EXOC6: variants seen among roughly 807,000 people sequenced by gnomAD.
EXOC6 encodes exocyst complex component 6, also known as SEC15-like 1.
EXOC6 carries 60 observed loss-of-function variants against 112.5 expected under a neutral mutation model. That is an observed-to-expected ratio of 0.53 (90% CI 0.43 to 0.66). The LOEUF is 0.66. Among genes scored for constraint, EXOC6 ranks in the 30% least tolerant of loss-of-function variants. EXOC6 has a pLI of 0.00. For synonymous variants in EXOC6, 295 were observed against 308.0 expected (o/e 0.96, Z 0.44); for missense variants, 855 against 957.1 (o/e 0.89, Z 1.41).
At chr10:92,949,355 C>T (rs1374337262) in intron 14 of EXOC6, among the ~76,000 whole-genome samples, 4 of 152,088 alleles carry the variant, frequency 2.6e-5, no homozygotes, top group Non-Finnish European at 4.4e-5. Flanking sequence ...TAGCTAATGC[C>T]GCCATTGCAT....
intron 6 of EXOC6, 38 bp from the exon 7 acceptor site, chr10:92,915,720 G>C (rs901187308): frequency 5.5e-6 from 8 of 1,446,166 alleles, no homozygotes; most frequent in Non-Finnish European, 7.3e-6. Context: ...ACCATAATCA[G>C]TTTTGAAATA....
At chr10:92,834,492 T>G (rs544856703), upstream of EXOC6, among the ~76,000 whole-genome samples, 2 of 152,162 alleles carry the variant, frequency 1.3e-5, no homozygotes, top group Non-Finnish European at 2.9e-5. Context: ...CCGAACTGTG[T>G]CAAGGTTAAT....
intron 17 of EXOC6, among the ~76,000 whole-genome samples, chr10:92,960,409 T>C (rs1054506370): frequency 1.1e-4 from 16 of 152,142 alleles, no homozygotes; most frequent in African/African-American, 3.9e-4. Flanking sequence ...AGTGAGACTA[T>C]TGCTCTAAAA....
intron 1 of EXOC6, among the ~76,000 whole-genome samples, chr10:92,856,544 C>T (rs1046930060): frequency 3.9e-5 from 6 of 152,062 alleles, no homozygotes; most frequent in Non-Finnish European, 8.8e-5. Context: ...CCATTGCAGT[C>T]AGAGATAATA....
intron 19 of EXOC6, among the ~76,000 whole-genome samples, chr10:93,008,177 A>AAAAAG (rs938024729): frequency 5.9e-5 from 9 of 152,244 alleles, no homozygotes; most frequent in Non-Finnish European, 1.2e-4. Context: ...TCCATCTCAA[A>AAAAAG]AAAAGAAAAG....
At chr10:92,920,865 T>C (rs1589834801) in intron 8 of EXOC6, among the ~76,000 whole-genome samples, 2 of 152,350 alleles carry the variant, frequency 1.3e-5, no homozygotes, top group South Asian at 2.1e-4. Flanking sequence ...TAATATTTTT[T>C]GTCTTAAGGT....
At chr10:92,828,635 G>GGT (rs1846422139) in intron 1 of EXOC6, among the ~76,000 whole-genome samples, 1 of 127,160 alleles carries the variant, frequency 7.9e-6, no homozygotes, top group Non-Finnish European at 1.6e-5. Context: ...TGCCCCGCCA[G>GGT]TTTTTTTTTT....
intron 6 of EXOC6, among the ~76,000 whole-genome samples, chr10:92,913,512 T>C (rs1281763452): frequency 1.3e-5 from 2 of 152,230 alleles, no homozygotes; most frequent in African/African-American, 2.4e-5. Context: ...ATTTGCTGTC[T>C]TACAGATTTT....
chr10:93,056,555 A>G (rs1361734410), intron 20 of EXOC6, among the ~76,000 whole-genome samples: 2 of 152,232 alleles, frequency 1.3e-5, no homozygotes, highest in Non-Finnish European at 2.9e-5. Context: ...AAAATTCTTC[A>G]TACAGGTTAG....
At chr10:92,909,894 T>C (rs762903826) in intron 6 of EXOC6, among the ~76,000 whole-genome samples, 41 of 152,224 alleles carry the variant, frequency 2.7e-4, no homozygotes, top group Admixed American at 5.9e-4. Context: ...TGTGGTGTTA[T>C]GTTATCCTTT....
At chr10:92,907,416 G>A (rs1334045692) in intron 5 of EXOC6, among the ~76,000 whole-genome samples, 2 of 152,148 alleles carry the variant, frequency 1.3e-5, no homozygotes, top group African/African-American at 4.8e-5. Context: ...CGCTAGGTAA[G>A]TCTTATGACC....
chr10:92,914,404 A>G (rs1850967095), intron 6 of EXOC6, among the ~76,000 whole-genome samples: 1 of 152,228 alleles, frequency 6.6e-6, no homozygotes, highest in Admixed American at 6.5e-5. Context: ...TTACTTATGA[A>G]TTGTAAATCT....
intron 18 of EXOC6, among the ~76,000 whole-genome samples, chr10:92,990,943 A>G (rs1164583385): frequency 1.3e-5 from 2 of 152,064 alleles, no homozygotes; most frequent in African/African-American, 4.8e-5. Context: ...AAACCTAAAT[A>G]CAAATTCATG....
intron 6 of EXOC6, among the ~76,000 whole-genome samples, chr10:92,914,866 C>T (rs1850994838): frequency 6.6e-6 from 1 of 152,110 alleles, no homozygotes; most frequent in Non-Finnish European, 1.5e-5. Flanking sequence ...GAGAATGTCT[C>T]GCAGTGTGTA....
At chr10:92,918,305 T>C (rs938005362) in intron 7 of EXOC6, among the ~76,000 whole-genome samples, 1 of 152,222 alleles carries the variant, frequency 6.6e-6, no homozygotes, top group Non-Finnish European at 1.5e-5. Context: ...AAATTCTTTT[T>C]CTAAGGACAT....
At chr10:92,903,282 G>C (rs774492421) in intron 5 of EXOC6, among the ~76,000 whole-genome samples, 1 of 151,838 alleles carries the variant, frequency 6.6e-6, no homozygotes, top group Non-Finnish European at 1.5e-5. Flanking sequence ...GTTTGTTCTA[G>C]TTGAGCCATT....
intron 1 of EXOC6, among the ~76,000 whole-genome samples, chr10:92,841,383 GA>G (rs1846844578): frequency 6.6e-6 from 1 of 152,202 alleles, no homozygotes. Context: ...GCAGGGGAGA[GA>G]GGTGTCAATT....
chr10:93,050,730 A>C (rs2134370691), intron 20 of EXOC6, among the ~76,000 whole-genome samples: 1 of 142,790 alleles, frequency 7.0e-6, no homozygotes, highest in South Asian at 2.3e-4. Flanking sequence ...ACTGCACTCC[A>C]ACCTGGGCAA....
intron 1 of EXOC6, among the ~76,000 whole-genome samples, chr10:92,872,631 T>C (rs1196615455): frequency 6.6e-6 from 1 of 152,120 alleles, no homozygotes. Flanking sequence ...CTCCTTTAGT[T>C]TCTGTTCGAT....
Sources: allele counts gnomAD v4.1 joint callset (sites outside exome capture counted in the v4.1 genomes callset), GRCh38; gene constraint gnomAD v4.1.1; transcripts MANE v1.5; gene names NCBI Gene and HGNC (gene_info 2026-07-23, HGNC 2026-07-21).